Variants in CAMK1G observed in about 807,000 individuals in gnomAD.
CAMK1G encodes the protein calcium/calmodulin dependent protein kinase IG.
CAMK1G carries 27 observed loss-of-function variants against 54.8 expected under a neutral mutation model. That is an observed-to-expected ratio of 0.49 (90% CI 0.36 to 0.68). CAMK1G has a LOEUF of 0.68. CAMK1G is among the 30% of genes least tolerant of loss of function. CAMK1G has a pLI of 0.00. For synonymous variants in CAMK1G, 238 were observed against 224.9 expected (o/e 1.06, Z -0.52); for missense variants, 512 against 591.0 (o/e 0.87, Z 1.39).
rs1665455714 is a variant in CAMK1G, at chr1:209,599,069, C to T, written c.93-914C>T. On this transcript the variant is annotated intron_variant, in intron 2 of 12. Coordinates refer to ENST00000361322, the MANE Select transcript of CAMK1G (RefSeq NM_020439.3). ...GGCAGAAGGTGAAGGGGAAGTAAGGCACCTTCTTCACAAGGCGGCAGGAAG... is the reference window on the plus strand; with the variant it reads ...GGCAGAAGGTGAAGGGGAAGTAAGGTACCTTCTTCACAAGGCGGCAGGAAG... Among the ~76,000 whole-genome samples the T allele has an allele frequency of 3.3e-5, 5 of 152,166 alleles. No individual in the cohort carries two copies. The South Asian group carries it at 1.0e-3, about 32-fold the overall frequency.
chr1:209,587,726 T>C (rs1665138575), intron 1 of CAMK1G, among the ~76,000 whole-genome samples: 1 of 152,122 alleles, frequency 6.6e-6, no homozygotes, highest in South Asian at 2.1e-4. Flanking sequence ...CTGGAACAAG[T>C]CTGGGTTCTT....
At chr1:209,610,215 C>T (rs1262894327) in intron 9 of CAMK1G, among the ~76,000 whole-genome samples, 1 of 152,184 alleles carries the variant, frequency 6.6e-6, no homozygotes, top group Non-Finnish European at 1.5e-5. Flanking sequence ...ATGTTCAGTA[C>T]TAGTTATTCA....
intron 8 of CAMK1G, among the ~76,000 whole-genome samples, chr1:209,609,360 G>C (rs956355567): frequency 3.3e-5 from 5 of 152,224 alleles, no homozygotes; most frequent in African/African-American, 9.7e-5. Context: ...GATGGGCCAG[G>C]AGGGCAGAGC....
chr1:209,599,993 T>C lies in CAMK1G; in HGVS notation c.103T>C (p.Ser35Pro). Residue 35 changes from serine to proline, a missense_variant, in exon 3 of 13, where the codon TCA (serine) becomes CCA (proline). Ser to Pro is a moderately conservative substitution (Grantham distance 74). This residue lies in a region of CAMK1G where 186 missense variants were observed against 231.5 expected (regional missense o/e 0.80). Transcript: ENST00000361322. ...FMEVLGSGAF[S>P]EVFLVKQRLT... Reference sequence around the variant, plus strand: ...GTGTCTTCTCCTCAGAGGAGCTTTCTCAGAAGTTTTCCTGGTGAAGCAAAG... The same window carrying C: ...GTGTCTTCTCCTCAGAGGAGCTTTCCCAGAAGTTTTCCTGGTGAAGCAAAG... 1 of 1,613,612 alleles carries C rather than the reference T, an allele frequency of 6.2e-7. No homozygotes were observed. The highest frequency in any genetic ancestry group is 8.5e-7 in the Non-Finnish European group (1 of 1,179,770).
chr1:209,612,014 C>G lies in CAMK1G; in HGVS notation c.1138C>G (p.Arg380Gly). Residue 380 changes from arginine to glycine, a missense_variant, in exon 11 of 13, where the codon CGG (arginine) becomes GGG (glycine). Arg to Gly is a moderately radical substitution (Grantham distance 125). This residue lies in a region of CAMK1G where 315 missense variants were observed against 330.5 expected (regional missense o/e 0.95). Coordinates refer to ENST00000361322, the MANE Select transcript of CAMK1G (RefSeq NM_020439.3). ...CCAATTACCCTGCCAGCATGGCCGC[C>G]GGCCCACTGCCCCTGGTGGCAGGTC... ...LTQLPCQHGR[R>G]PTAPGGRSLN... is the part of the protein sequence containing the mutation. 12 of 1,614,262 alleles carry G rather than the reference C, an allele frequency of 7.4e-6. No individual in the cohort carries two copies. Among genetic ancestry groups the G allele is most frequent in the Non-Finnish European group, 9.3e-6 (11 of 1,180,054 alleles).
Position 209,606,223 on chromosome 1 carries a change from C to T in CAMK1G, c.436-97C>T, listed in dbSNP as rs1041648409. On this transcript the variant is annotated intron_variant, in intron 5 of 12. Coordinates refer to ENST00000361322, the MANE Select transcript of CAMK1G (RefSeq NM_020439.3). ...GATGAGCTGGCCTTGAAGTCAGGAG[C>T]CCAGGGCTCATCTTCCTGTGAAATT... 4 of 1,503,706 alleles carry T rather than the reference C, an allele frequency of 2.7e-6. No individual in the cohort carries two copies. In the Admixed American group the frequency reaches 7.2e-5, roughly 27 times the overall value. The allele number at this position is 1,503,706 out of a possible 1,614,324, so 93.1% of individuals were successfully genotyped here. A position where few individuals can be genotyped will look rare whatever the true frequency, so the allele number is the denominator to read the frequency against.
chr1:209,612,737 C>G (rs778226908), intron 11 of CAMK1G, 48 bp from the exon 12 acceptor site: 2 of 1,539,246 alleles, frequency 1.3e-6, no homozygotes, highest in Non-Finnish European at 9.0e-7. Flanking sequence ...CCCATCGACT[C>G]TTCTTCCCTC....
At position 209,610,632 on chromosome 1, in the gene CAMK1G, T is replaced by C. The variant is rs141551073; in HGVS notation, c.827+703T>C. Among the ~76,000 whole-genome samples the C allele has an allele frequency of 2.3e-3, 345 of 152,312 alleles. 2 individuals are homozygous for C. The highest frequency in any genetic ancestry group is 3.4e-3 in the Non-Finnish European group (233 of 68,018). On this transcript the variant is annotated intron_variant, in intron 9 of 12. Transcript: ENST00000361322. ...CTACAATGTCCTGCCTCTTGCCCTG[T>C]ATGTAGCATCTTTCAGGATCCAGAT...
At chr1:209,603,137 C>T in intron 3 of CAMK1G, 77 bp from the exon 4 acceptor site, 2 of 1,446,468 alleles carry the variant, frequency 1.4e-6, no homozygotes, top group Non-Finnish European at 1.9e-6. Context: ...CCAACAGAAA[C>T]TTTTGGGCTA....
Position 209,595,082 on chromosome 1 carries a change from C to A in CAMK1G, c.92+7C>A, listed in dbSNP as rs1398532130. On this transcript the variant is annotated splice_region_variant and intron_variant, in intron 2 of 12. Transcript: ENST00000361322. ...TTATGGAAGTGCTGGGATCGTAAGT[C>A]CTGGGGCTGTGAGGTCGGGTGGGCT... The A allele has an allele frequency of 9.3e-6, 15 of 1,611,394 alleles. No individual in the cohort carries two copies. The highest frequency in any genetic ancestry group is 1.3e-5 in the Non-Finnish European group (15 of 1,177,660).
chr1:209,611,033 G>A (rs1426646608), intron 9 of CAMK1G, among the ~76,000 whole-genome samples: 3 of 152,130 alleles, frequency 2.0e-5, no homozygotes, highest in African/African-American at 7.2e-5. Context: ...CTGTGATGCT[G>A]GGTCCAATAA....
At chr1:209,599,890 T>C in intron 2 of CAMK1G, 93 bp from the exon 3 acceptor site, 3 of 1,472,768 alleles carry the variant, frequency 2.0e-6, no homozygotes, top group Non-Finnish European at 2.8e-6. Flanking sequence ...GAGGACTATA[T>C]AGACTCTGTT....
chr1:209,607,028 A>C (rs1665668297), intron 6 of CAMK1G, among the ~76,000 whole-genome samples: 1 of 152,196 alleles, frequency 6.6e-6, no homozygotes, highest in African/African-American at 2.4e-5. Flanking sequence ...CTGGAAGAGT[A>C]TTCCTGGGAT....
At chr1:209,597,893 GATA>G (rs1428417735) in intron 2 of CAMK1G, among the ~76,000 whole-genome samples, 1 of 152,274 alleles carries the variant, frequency 6.6e-6, no homozygotes, top group East Asian at 1.9e-4. Context: ...TAATAGTGAT[GATA>G]ATAATAGTAT....
chr1:209,612,323 A>C (rs1040254887), intron 11 of CAMK1G, 107 bp downstream of exon 11: 2 of 1,220,820 alleles, frequency 1.6e-6, no homozygotes, highest in Non-Finnish European at 2.3e-6. Flanking sequence ...ATAGGCAGCT[A>C]TATAGGGAGG....
chr1:209,601,473 A>G (rs1665525268), intron 3 of CAMK1G, among the ~76,000 whole-genome samples: 1 of 152,212 alleles, frequency 6.6e-6, no homozygotes, highest in Non-Finnish European at 1.5e-5. Context: ...CATACTGAAT[A>G]TGAGTATCCA....
In CAMK1G at chr1:209,612,954, C is replaced by T. The variant is rs191768520; in HGVS notation, c.*37+42C>T. 137 of 1,048,430 alleles carry T rather than the reference C, an allele frequency of 1.3e-4. No individual in the cohort carries two copies. The East Asian group carries it at 3.0e-3, about 23-fold the overall frequency. 64.9% of individuals were successfully genotyped at this position (1,048,430 alleles called of 1,614,324 possible). A position where few individuals can be genotyped will look rare whatever the true frequency, so the allele number is the denominator to read the frequency against. On this transcript the variant is annotated intron_variant, in intron 12 of 12. Transcript: ENST00000361322. ...TGTGAGGCTTGGGGAGAGTTTCTGT[C>T]CCAGAGGAGAGCCCCATGCCAGAGT...
At chr1:209,603,148 G>A (rs1464806953) in intron 3 of CAMK1G, 66 bp from the exon 4 acceptor site, 4 of 1,537,122 alleles carry the variant, frequency 2.6e-6, no homozygotes, top group Non-Finnish European at 2.7e-6. Flanking sequence ...TTTTGGGCTA[G>A]GTCTGCATTA....
Position 209,611,775 on chromosome 1 carries a change from C to T in CAMK1G, c.916-17C>T, listed in dbSNP as rs1439066838. ...TGAGGTTGCAGAAGGCCAGAGGCTGCTCTTGTGTCTCCTTAGCAAGCCTTC... is the reference window on the plus strand; with the variant it reads ...TGAGGTTGCAGAAGGCCAGAGGCTGTTCTTGTGTCTCCTTAGCAAGCCTTC... On this transcript the variant is annotated splice_polypyrimidine_tract_variant and intron_variant, in intron 10 of 12. Transcript: ENST00000361322. 1 of 1,610,408 alleles carries T rather than the reference C, an allele frequency of 6.2e-7. No individual in the cohort carries two copies.
Sources: allele counts gnomAD v4.1 joint callset (sites outside exome capture counted in the v4.1 genomes callset), GRCh38; gene constraint gnomAD v4.1.1; regional missense constraint gnomAD v4.1.1; transcripts MANE v1.5; gene names NCBI Gene and HGNC (gene_info 2026-07-23, HGNC 2026-07-21).